The following DTHD1 variants were observed in gnomAD, a reference collection of about 807,000 sequenced individuals.
DTHD1 encodes death domain-containing protein 1.
DTHD1 carries 59 observed loss-of-function variants against 74.8 expected under a neutral mutation model. That is an observed-to-expected ratio of 0.79 (90% confidence interval 0.64 to 0.98). The LOEUF (loss-of-function observed/expected upper bound fraction) is 0.98, where lower values mean the gene tolerates loss of function less well. Among genes scored for constraint, DTHD1 ranks in the 50% least tolerant of loss-of-function variants. The probability of loss-of-function intolerance (pLI) is 0.00; values close to 1 mark genes in which losing one functional copy is unlikely to be tolerated. For missense variants in DTHD1, 1,051 were observed against 1,065.4 expected (o/e 0.99, Z 0.19); for synonymous variants, 365 against 371.1 (o/e 0.98, Z 0.19).
chr4:36,319,624 A>T (rs1757944500), intron 8 of DTHD1, among the ~76,000 whole-genome samples: 1 of 152,242 alleles, frequency 6.6e-6, no homozygotes, highest in African/African-American at 2.4e-5. Context: ...ATGATGGCAG[A>T]CCATGCAAAG....
At chr4:36,306,029 T>A (rs988291090) in intron 5 of DTHD1, among the ~76,000 whole-genome samples, 162 bp from the exon 6 acceptor site, 1 of 152,238 alleles carries the variant, frequency 6.6e-6, no homozygotes, top group African/African-American at 2.4e-5. Flanking sequence ...GCAAGGGTTA[T>A]ATAGTTTGAT....
chr4:36,303,085 G>A (rs1215890905), intron 5 of DTHD1, among the ~76,000 whole-genome samples: 2 of 152,104 alleles, frequency 1.3e-5, no homozygotes, highest in African/African-American at 2.4e-5. Flanking sequence ...TGAGTCCCAA[G>A]CAAAATTGGT....
chr4:36,306,451 C>T (rs922696935), intron 6 of DTHD1, 99 bp downstream of exon 6: 44 of 1,227,258 alleles, frequency 3.6e-5, no homozygotes, highest in Non-Finnish European at 4.4e-5. Flanking sequence ...TTTTATTCTT[C>T]GAATAGAAAT....
At chr4:36,293,834 C>A in intron 4 of DTHD1, 129 bp downstream of exon 4, 1 of 724,410 alleles carries the variant, frequency 1.4e-6, no homozygotes, top group Non-Finnish European at 2.1e-6. Context: ...GTAGTTGTAA[C>A]GGCCTAATAT....
chr4:36,336,819 G>A (rs549962640), intron 8 of DTHD1, among the ~76,000 whole-genome samples: 1 of 152,310 alleles, frequency 6.6e-6, no homozygotes, highest in East Asian at 1.9e-4. Context: ...AAAAATAAAA[G>A]TTTTACAATG....
intron 2 of DTHD1, among the ~76,000 whole-genome samples, chr4:36,288,534 A>G (rs1261795543): frequency 6.6e-6 from 1 of 152,168 alleles, no homozygotes; most frequent in Non-Finnish European, 1.5e-5. Flanking sequence ...TGGCTTGCCA[A>G]TTATCCCAGC....
At chr4:36,302,732 T>G (rs2109484866) in intron 5 of DTHD1, among the ~76,000 whole-genome samples, 1 of 152,340 alleles carries the variant, frequency 6.6e-6, no homozygotes, top group Non-Finnish European at 1.5e-5. Flanking sequence ...TTCCCTTTAC[T>G]TTTCCATTTT....
At chr4:36,299,830 A>G (rs557834089) in intron 5 of DTHD1, among the ~76,000 whole-genome samples, 1 of 152,246 alleles carries the variant, frequency 6.6e-6, no homozygotes, top group Admixed American at 6.5e-5. Flanking sequence ...TGTTTTAGAC[A>G]ATTTTATTTT....
intron 9 of DTHD1, 73 bp from the exon 10 acceptor site, chr4:36,343,429 G>A: frequency 7.3e-7 from 1 of 1,374,130 alleles, no homozygotes; most frequent in Non-Finnish European, 9.8e-7. Flanking sequence ...CCTATAAACA[G>A]GTGTGGAGGG....
chr4:36,314,067 C>CTT (rs1327093333), intron 7 of DTHD1, among the ~76,000 whole-genome samples: 9 of 124,662 alleles, frequency 7.2e-5, no homozygotes, highest in Non-Finnish European at 1.4e-4. Flanking sequence ...TCCTAGGAAT[C>CTT]TGTTTTTTTT....
In DTHD1 at chr4:36,293,670, G is replaced by A; in HGVS notation, c.1363G>A (p.Gly455Arg). The change falls in exon 4 of 10, where the codon GGA becomes AGA. Residue 455 changes from glycine to arginine, a missense_variant. Physicochemically the swap from Gly to Arg is moderately radical, Grantham distance 125. Transcript: ENST00000639862. ...DSRISLNYPPGVFTSPVLVQL... is the reference protein window; with the variant it reads ...DSRISLNYPPRVFTSPVLVQL... ...CCGAATATCCTTAAATTACCCTCCA[G>A]GAGTTTTTACCTCTCCAGTGCTGGT... The A allele has an allele frequency of 1.3e-6, 2 of 1,541,110 alleles. No individual in the cohort carries two copies. Among genetic ancestry groups the A allele is most frequent in the Non-Finnish European group, 1.8e-6 (2 of 1,140,082 alleles).
At chr4:36,312,471 TG>T (rs1361272499) in intron 7 of DTHD1, among the ~76,000 whole-genome samples, 3 of 151,958 alleles carry the variant, frequency 2.0e-5, no homozygotes, top group African/African-American at 7.3e-5. Context: ...TAGCTTAATT[TG>T]GGCTGAAAAG....
intron 8 of DTHD1, among the ~76,000 whole-genome samples, chr4:36,326,748 T>C (rs1412771442): frequency 6.6e-6 from 1 of 152,240 alleles, no homozygotes; most frequent in African/African-American, 2.4e-5. Context: ...TTACCTGTTT[T>C]CTTCCCATCT....
intron 3 of DTHD1, 122 bp downstream of exon 3, chr4:36,290,825 A>T: frequency 1.2e-6 from 1 of 808,870 alleles, no homozygotes; most frequent in Non-Finnish European, 1.9e-6. Flanking sequence ...AGGACTTTTG[A>T]ATTTGTGCCA....
At chr4:36,340,336 G>T (rs1306115338) in intron 9 of DTHD1, among the ~76,000 whole-genome samples, 1 of 152,248 alleles carries the variant, frequency 6.6e-6, no homozygotes, top group Admixed American at 6.5e-5. Flanking sequence ...AAAACTGACA[G>T]CAGGGATACA....
chr4:36,283,333 C>A (rs1206790221), intron 1 of DTHD1, among the ~76,000 whole-genome samples: 1 of 152,118 alleles, frequency 6.6e-6, no homozygotes, highest in Non-Finnish European at 1.5e-5. Context: ...CTTTGAGTAG[C>A]CACTTCAGGT....
At chr4:36,297,808 G>A (rs902395360) in intron 5 of DTHD1, among the ~76,000 whole-genome samples, 4 of 152,180 alleles carry the variant, frequency 2.6e-5, no homozygotes, top group African/African-American at 9.7e-5. Context: ...AGCACCCACA[G>A]AATCAATTCC....
In DTHD1 at chr4:36,316,265, G is replaced by A. The variant is rs376420804; in HGVS notation, c.2119G>A (p.Asp707Asn). The A allele has an allele frequency of 1.7e-5, 26 of 1,551,476 alleles. No individual in the cohort carries two copies. In the African/African-American group the frequency reaches 3.3e-4, roughly 20 times the overall value. ...ASSNGKDYGK[D>N]YTLIFHLQRK... Reference sequence around the variant, plus strand: ...AGGCAACGGGAAGGATTATGGAAAAGACTACACACTTATTTTTCACTTGCA... The same window carrying A: ...AGGCAACGGGAAGGATTATGGAAAAAACTACACACTTATTTTTCACTTGCA... The change falls in exon 8 of 10, where the codon GAC (aspartate) becomes AAC (asparagine). Residue 707 changes from aspartate to asparagine, a missense_variant. Transcript: ENST00000639862.
chr4:36,307,858 A>G (rs1321721151), intron 6 of DTHD1, among the ~76,000 whole-genome samples: 2 of 152,092 alleles, frequency 1.3e-5, no homozygotes, highest in African/African-American at 4.8e-5. Flanking sequence ...TTTTGATTTC[A>G]GCTGGTTTCT....
Sources: gnomAD v4.1 joint callset for allele counts (sites outside exome capture counted in the v4.1 genomes callset) on GRCh38, gnomAD v4.1.1 for gene constraint, MANE v1.5 for transcripts, NCBI Gene and HGNC (gene_info 2026-07-23, HGNC 2026-07-21) for gene names.